Variants in RANBP2 observed in about 807,000 individuals in gnomAD.
RANBP2 encodes the protein RAN binding protein 2.
RANBP2 carries 57 observed loss-of-function variants against 303.6 expected under a neutral mutation model. The ratio of observed to expected loss-of-function variants is 0.19; its 90% CI spans 0.15 to 0.23. The LOEUF (loss-of-function observed/expected upper bound fraction) is 0.23. Ranked by LOEUF, RANBP2 falls within the 10% of genes least tolerant of loss-of-function variation. The probability of loss-of-function intolerance (pLI) is 1.00; values close to 1 mark genes in which losing one functional copy is unlikely to be tolerated. For missense variants in RANBP2, 3,138 were observed against 3,780.8 expected (o/e 0.83, Z 4.46); for synonymous variants, 1,167 against 1,301.5 (o/e 0.90, Z 2.23).
At chr2:109,417,917 G>C in the RANBP2 span, among the ~76,000 whole-genome samples, 1 of 152,180 alleles carries the variant, frequency 6.6e-6, no homozygotes. Context: ...AGAAAGCTAA[G>C]CTTCTTGCTC....
At chr2:109,486,691 C>G in the RANBP2 span, among the ~76,000 whole-genome samples, 2 of 152,088 alleles carry the variant, frequency 1.3e-5, no homozygotes. Context: ...GCAGAGTTTG[C>G]ACCCAGCAGT....
chr2:109,235,053 T>C, the RANBP2 span, among the ~76,000 whole-genome samples: 1 of 152,202 alleles, frequency 6.6e-6, no homozygotes, highest in South Asian at 2.1e-4. Context: ...TAGGCCATCA[T>C]GTTCTCCTTT....
At chr2:109,161,894 A>C in the RANBP2 span, among the ~76,000 whole-genome samples, 1 of 151,712 alleles carries the variant, frequency 6.6e-6, no homozygotes, top group Admixed American at 6.6e-5. Flanking sequence ...ACAAATATCC[A>C]AACTATAGCC....
At chr2:109,240,420 G>A in the RANBP2 span, among the ~76,000 whole-genome samples, 1 of 152,028 alleles carries the variant, frequency 6.6e-6, no homozygotes, top group Non-Finnish European at 1.5e-5. Context: ...CCTGGGAGGC[G>A]GAGCTTGCAG....
chr2:109,543,453 T>C, the RANBP2 span: 1 of 152,198 alleles, frequency 6.6e-6, no homozygotes, highest in Non-Finnish European at 1.5e-5. Context: ...TCATATTAAA[T>C]AATCTGACAC....
chr2:109,412,899 G>A, the RANBP2 span, among the ~76,000 whole-genome samples: 1 of 152,206 alleles, frequency 6.6e-6, no homozygotes, highest in Non-Finnish European at 1.5e-5. Context: ...CATATGCAAT[G>A]CTGTCACCTC....
At chr2:109,234,788 C>A in the RANBP2 span, among the ~76,000 whole-genome samples, 2 of 152,116 alleles carry the variant, frequency 1.3e-5, no homozygotes, top group African/African-American at 4.8e-5. Context: ...CATCTTCACA[C>A]CTGACTTCCT....
At chr2:108,760,296 T>C (rs1210371407) in intron 18 of RANBP2, among the ~76,000 whole-genome samples, 1 of 152,218 alleles carries the variant, frequency 6.6e-6, no homozygotes, top group Non-Finnish European at 1.5e-5. Context: ...TTTTATGAGA[T>C]TGTTACCATG....
the RANBP2 span, among the ~76,000 whole-genome samples, chr2:109,685,601 C>G: frequency 6.6e-6 from 1 of 152,364 alleles, no homozygotes; most frequent in Non-Finnish European, 1.5e-5. Flanking sequence ...TTGCCCCCTG[C>G]ACGGCCTGGT....
the RANBP2 span, among the ~76,000 whole-genome samples, chr2:109,524,073 C>A: frequency 6.6e-6 from 1 of 152,228 alleles, no homozygotes; most frequent in Non-Finnish European, 1.5e-5. Context: ...CCTGCCTGGT[C>A]TCACCTCCCC....
chr2:109,449,329 G>A, the RANBP2 span: 13 of 1,605,200 alleles, frequency 8.1e-6, no homozygotes, highest in African/African-American at 1.3e-5. Flanking sequence ...ATGTGCCCAC[G>A]GCCGGCCATC....
chr2:109,732,951 AAAG>A, the RANBP2 span: 1 of 642,042 alleles, frequency 1.6e-6, no homozygotes, highest in Non-Finnish European at 2.9e-6. Context: ...AACGGTGAAA[AAAG>A]AAGTAGAAAT....
the RANBP2 span, among the ~76,000 whole-genome samples, chr2:109,041,685 CTTT>C: frequency 0.021 from 1,748 of 81,972 alleles, 54 homozygotes; most frequent in African/African-American, 0.095. Flanking sequence ...CCATGCCCGG[CTTT>C]TTTTTTTTTT....
chr2:108,843,355 G>T, the RANBP2 span, among the ~76,000 whole-genome samples: 1 of 151,916 alleles, frequency 6.6e-6, no homozygotes, highest in African/African-American at 2.4e-5. Flanking sequence ...ATGGGGTTTC[G>T]CCATGTTGGC....
Position 108,782,510 on chromosome 2 carries a change from C to G in RANBP2, c.9035-18C>G. 6.2e-7 allele frequency: 1 copy of G among 1,613,852 alleles called. No homozygotes were observed. Among genetic ancestry groups the G allele is most frequent in the South Asian group, 1.1e-5 (1 of 90,994 alleles). On this transcript the variant is annotated intron_variant, in intron 27 of 28. Coordinates refer to ENST00000283195, the MANE Select transcript of RANBP2 (RefSeq NM_006267.5). ...TTTTAATACTAAGGTCACTGCTTCC[C>G]CTTTCCCTCCCTGCCAGATGGAGAA...
the RANBP2 span, among the ~76,000 whole-genome samples, chr2:108,832,350 T>C: frequency 4.7e-5 from 7 of 148,460 alleles, no homozygotes; most frequent in South Asian, 2.1e-4. Flanking sequence ...CTTTCTTTTT[T>C]TTTTTTTTTT....
the RANBP2 span, among the ~76,000 whole-genome samples, chr2:109,096,240 A>T: frequency 6.6e-6 from 1 of 152,224 alleles, no homozygotes; most frequent in Non-Finnish European, 1.5e-5. Context: ...CCATACAGGA[A>T]ACATTATTGA....
chr2:109,604,532 C>T, the RANBP2 span, among the ~76,000 whole-genome samples: 1 of 151,800 alleles, frequency 6.6e-6, no homozygotes, highest in African/African-American at 2.4e-5. Flanking sequence ...TCGAGACCAT[C>T]CTGGCTAACA....
At chr2:109,615,101 C>T in the RANBP2 span, 153 of 1,549,720 alleles carry the variant, frequency 9.9e-5, no homozygotes, top group African/African-American at 1.6e-3. Flanking sequence ...CCCGCCAGAA[C>T]CTCCGTGACC....
Sources: gnomAD v4.1 joint callset for allele counts (sites outside exome capture counted in the v4.1 genomes callset) on GRCh38, gnomAD v4.1.1 for gene constraint, MANE v1.5 for transcripts, NCBI Gene and HGNC (gene_info 2026-07-23, HGNC 2026-07-21) for gene names.